The following NMB variants were observed in gnomAD, a reference collection of about 807,000 sequenced individuals.
The protein encoded by NMB is neuromedin B.
In NMB, 12 loss-of-function variants were observed where a neutral mutation model predicts 11.7. That is an observed-to-expected ratio of 1.03 (90% confidence interval 0.66 to 1.66). The LOEUF (loss-of-function observed/expected upper bound fraction) is 1.66. NMB is among the 40% of genes most tolerant of loss of function. NMB has a pLI of 0.00. For synonymous variants in NMB, 76 were observed against 72.6 expected (o/e 1.05, Z -0.24); for missense variants, 174 against 157.9 (o/e 1.10, Z -0.55).
At position 84,657,983 on chromosome 15, in the gene NMB, C is replaced by T. The variant is rs1213336775; in HGVS notation, c.157+13G>A. The T allele has an allele frequency of 4.4e-6, 7 of 1,589,386 alleles. No individual in the cohort carries two copies. In the Admixed American group the frequency reaches 1.2e-4, roughly 28 times the overall value. On this transcript the variant is annotated intron_variant, in intron 1 of 2. Transcript: ENST00000360476. ...ATGAGGGGCGCTTGCTTGCTCCGTC[C>T]CCAAAGACTTACCGGTGGCCCAGAG... is the stretch of plus-strand genomic sequence containing the variant.
At chr15:84,655,554 T>TGGG in intron 2 of NMB, 145 bp from the exon 3 acceptor site, 12 of 1,025,236 alleles carry the variant, frequency 1.2e-5, no homozygotes, top group Non-Finnish European at 1.8e-5. Flanking sequence ...CACCCTGAAT[T>TGGG]GCCTTGGAGG....
At position 84,658,038 on chromosome 15, in the gene NMB, T is replaced by C. The variant is rs766091051; in HGVS notation, c.115A>G (p.Ser39Gly). The C allele has an allele frequency of 4.4e-6, 7 of 1,596,560 alleles. No homozygotes were observed. Among genetic ancestry groups the C allele is most frequent in the Non-Finnish European group, 5.1e-6 (6 of 1,172,948 alleles). The change falls in exon 1 of 3, where the codon AGC becomes GGC. Residue 39 changes from serine (S) to glycine (G), a missense_variant. Physicochemically the swap from Ser to Gly is moderately conservative, Grantham distance 56. This residue lies in a region of NMB where 168 missense variants were observed against 138.4 expected (regional missense o/e 1.21). Transcript: ENST00000360476. ...WDLPEPRSRA[S>G]KIRVHSRGNL... Reference sequence around the variant, plus strand: ...CCTCGCGAGTGCACTCGGATCTTGCTGGCTCGGCTGCGGGGCTCCGGGAGA... The same window carrying C: ...CCTCGCGAGTGCACTCGGATCTTGCCGGCTCGGCTGCGGGGCTCCGGGAGA...
In NMB at chr15:84,657,997, G is replaced by T. The variant is rs776979321; in HGVS notation, c.156C>A (p.Thr52=). 1 of 1,591,172 alleles carries T rather than the reference G, an allele frequency of 6.3e-7. No homozygotes were observed. Among genetic ancestry groups the T allele is most frequent in the Non-Finnish European group, 8.5e-7 (1 of 1,170,254 alleles). Reference sequence around the variant, plus strand: ...CTTGCTCCGTCCCCAAAGACTTACCGGTGGCCCAGAGGTTGCCTCGCGAGT... The same window carrying T: ...CTTGCTCCGTCCCCAAAGACTTACCTGTGGCCCAGAGGTTGCCTCGCGAGT... ...RVHSRGNLWA[T]GHFMGKKSLE... The change falls in exon 1 of 3, where the codon ACC becomes ACA. Residue 52 remains threonine, a splice_region_variant and synonymous_variant. Coordinates refer to ENST00000360476, the MANE Select transcript of NMB (RefSeq NM_021077.4).
rs771129813 is a variant in NMB at position 84,658,085 on chromosome 15, C to A, written c.68G>T (p.Gly23Val). Residue 23 changes from glycine to valine, a missense_variant, in exon 1 of 3, where the codon GGC (glycine) becomes GTC (valine). Transcript: ENST00000360476. Reference sequence around the variant, plus strand: ...GAGATCCCAGCTGAGCGGGGCGACGCCGGCAGCGAGCAGGGCGAAGAGCAG... The same window carrying A: ...GAGATCCCAGCTGAGCGGGGCGACGACGGCAGCGAGCAGGGCGAAGAGCAG... Reference protein sequence around the residue: ...SLLLFALLAAGVAPLSWDLPE... With the variant: ...SLLLFALLAAVVAPLSWDLPE... 2 of 1,580,838 alleles carry A rather than the reference C, an allele frequency of 1.3e-6. No homozygotes were observed. Among genetic ancestry groups the A allele is most frequent in the Non-Finnish European group, 1.7e-6 (2 of 1,168,496 alleles).
Position 84,658,148 on chromosome 15 carries a change from G to A in NMB, c.5C>T (p.Ala2Val). 1 of 1,483,162 alleles carries A rather than the reference G, an allele frequency of 6.7e-7. No individual in the cohort carries two copies. The highest frequency in any genetic ancestry group is 8.9e-7 in the Non-Finnish European group (1 of 1,127,834). 91.9% of individuals were successfully genotyped at this position (1,483,162 alleles called of 1,614,324 possible). A position where few individuals can be genotyped will look rare whatever the true frequency, so the allele number is the denominator to read the frequency against. Residue 2 changes from alanine (A) to valine (V), a missense_variant, in exon 1 of 3, where the codon GCC (alanine) becomes GTC (valine). Coordinates refer to ENST00000360476, the MANE Select transcript of NMB (RefSeq NM_021077.4). The stretch of plus-strand genomic sequence containing the variant: ...CATCCGAGCGCCCCCCGCCCGCCGG[G>A]CCATGGCTGTGCCCGGGCCGCGGCT... M[A>V]RRAGGARMFG...
At position 84,657,358 on chromosome 15, in the gene NMB, A is replaced by G. The variant is rs1486157842; in HGVS notation, c.158-10T>C. Reference sequence around the variant, plus strand: ...TTGCCCATGAAGTGACCTGGAAAGGAGGTGTCCAGGCACAAGGAAGTCAAG... The same window carrying G: ...TTGCCCATGAAGTGACCTGGAAAGGGGGTGTCCAGGCACAAGGAAGTCAAG... On this transcript the variant is annotated splice_polypyrimidine_tract_variant and intron_variant, in intron 1 of 2. Coordinates refer to ENST00000360476, the MANE Select transcript of NMB (RefSeq NM_021077.4). 3.4e-6 allele frequency: 5 copies of G among 1,484,708 alleles called. No individual in the cohort carries two copies. The allele number at this position is 1,484,708 out of a possible 1,614,324, so 92.0% of individuals were successfully genotyped here. A position where few individuals can be genotyped will look rare whatever the true frequency, so the allele number is the denominator to read the frequency against.
rs777950986 is a variant in NMB, at chr15:84,655,221, C to T, written c.*153G>A. The T allele has an allele frequency of 6.5e-7, 1 of 1,540,342 alleles. No homozygotes were observed. Among genetic ancestry groups the T allele is most frequent in the Non-Finnish European group, 8.8e-7 (1 of 1,142,358 alleles). ...ATCTGTGTCTGCATCAGCGATATTT[C>T]TGGTGACCCAGCCAGAAATCACAGT... On this transcript the variant is annotated 3_prime_UTR_variant, in exon 3 of 3. Coordinates refer to ENST00000360476, the MANE Select transcript of NMB (RefSeq NM_021077.4).
Position 84,655,356 on chromosome 15 carries a change from T to C in NMB, c.*18A>G, listed in dbSNP as rs1163322091. 6.2e-7 allele frequency: 1 copy of C among 1,614,240 alleles called. No individual in the cohort carries two copies. The highest frequency in any genetic ancestry group is 8.5e-7 in the Non-Finnish European group (1 of 1,180,040). ...GCACAATCTAAGCCACGCTGTTGTG[T>C]CTGCCCCATTATTGGTGTCATTTCT... On this transcript the variant is annotated 3_prime_UTR_variant, in exon 3 of 3. Transcript: ENST00000360476.
intron 2 of NMB, among the ~76,000 whole-genome samples, chr15:84,655,736 G>A (rs903446079): frequency 5.3e-5 from 8 of 152,174 alleles, no homozygotes; most frequent in South Asian, 2.1e-4. Flanking sequence ...AGCCCCAGAC[G>A]TAGGCACTGC....
chr15:84,657,402 A>C, intron 1 of NMB, 54 bp from the exon 2 acceptor site: 1 of 1,402,444 alleles, frequency 7.1e-7, no homozygotes, highest in Non-Finnish European at 9.3e-7. Flanking sequence ...ATCCTACCTC[A>C]GAGGAAAAGT....
intron 1 of NMB, 30 bp from the exon 2 acceptor site, chr15:84,657,378 G>A (rs1460288012): frequency 5.5e-6 from 8 of 1,452,774 alleles, no homozygotes. Flanking sequence ...GCACAAGGAA[G>A]TCAAGCAGCC....
intron 1 of NMB, among the ~76,000 whole-genome samples, chr15:84,657,766 G>A (rs1896803681): frequency 6.6e-6 from 1 of 152,242 alleles, no homozygotes; most frequent in Admixed American, 6.5e-5. Flanking sequence ...CCGGCTGGCA[G>A]TGGGATTTAG....
chr15:84,657,269 G>A lies in NMB; in HGVS notation c.237C>T (p.Asp79=), dbSNP rs770205299. The change falls in exon 2 of 3, where the codon GAC becomes GAT. Residue 79 remains aspartate, a synonymous_variant. Transcript: ENST00000360476. ...LGTAPHTSLR[D]QRLQLSHDLL... is the part of the protein sequence containing the mutation. The stretch of plus-strand genomic sequence containing the variant: ...GATCATGACTCAGCTGCAGTCGCTG[G>A]TCCCTCAGGGAGGTGTGGGGAGCTG... The A allele has an allele frequency of 6.2e-7, 1 of 1,607,532 alleles. No homozygotes were observed. Among genetic ancestry groups the A allele is most frequent in the South Asian group, 1.1e-5 (1 of 89,632 alleles).
Position 84,658,119 on chromosome 15 carries a change from C to G in NMB, c.34G>C (p.Gly12Arg). Residue 12 changes from glycine to arginine, a missense_variant, in exon 1 of 3, where the codon GGC (glycine) becomes CGC (arginine). Physicochemically the swap from Gly to Arg is moderately radical, Grantham distance 125. Transcript: ENST00000360476. ...AGCAGGGCGAAGAGCAGGAGGCTGC[C>G]GAACATCCGAGCGCCCCCCGCCCGC... ...ARRAGGARMFGSLLLFALLAA... is the reference protein window; with the variant it reads ...ARRAGGARMFRSLLLFALLAA... 7.8e-6 allele frequency: 12 copies of G among 1,539,728 alleles called. No individual in the cohort carries two copies. The highest frequency in any genetic ancestry group is 2.6e-5 in the East Asian group (1 of 38,160).
chr15:84,656,072 G>A (rs998912769), intron 2 of NMB, among the ~76,000 whole-genome samples: 6 of 152,204 alleles, frequency 3.9e-5, no homozygotes, highest in African/African-American at 1.4e-4. Context: ...GGCTGTCTAT[G>A]AGCCAGGCAC....
chr15:84,658,116 T>C lies in NMB; in HGVS notation c.37A>G (p.Ser13Gly), dbSNP rs1896810538. The change falls in exon 1 of 3, where the codon AGC (serine) becomes GGC (glycine). Residue 13 changes from serine to glycine, a missense_variant. Transcript: ENST00000360476. Reference protein sequence around the residue: ...RRAGGARMFGSLLLFALLAAG... With the variant: ...RRAGGARMFGGLLLFALLAAG... ...GCGAGCAGGGCGAAGAGCAGGAGGCTGCCGAACATCCGAGCGCCCCCCGCC... is the reference window on the plus strand; with the variant it reads ...GCGAGCAGGGCGAAGAGCAGGAGGCCGCCGAACATCCGAGCGCCCCCCGCC... The C allele has an allele frequency of 6.5e-7, 1 of 1,548,570 alleles. No individual in the cohort carries two copies. The highest frequency in any genetic ancestry group is 1.4e-5 in the African/African-American group (1 of 70,814).
chr15:84,657,130 G>A, intron 2 of NMB, 46 bp downstream of exon 2: 1 of 1,567,790 alleles, frequency 6.4e-7, no homozygotes, highest in Non-Finnish European at 8.6e-7. Flanking sequence ...ATCCGGGGAT[G>A]GCCCCAGCTG....
chr15:84,658,176 G>A lies in NMB; in HGVS notation c.-24C>T. 2.8e-6 allele frequency: 4 copies of A among 1,431,762 alleles called. No individual in the cohort carries two copies. The highest frequency in any genetic ancestry group is 3.0e-5 in the African/African-American group (2 of 65,982). 88.7% of individuals were successfully genotyped at this position (1,431,762 alleles called of 1,614,324 possible). On this transcript the variant is annotated 5_prime_UTR_variant, in exon 1 of 3. In the 5' UTR this introduces an upstream ATG that the reference lacks. Transcript: ENST00000360476. ...ATGGCTGTGCCCGGGCCGCGGCTTC[G>A]TTCGGGCGCGCTTCCCGGCCGCTGG...
Position 84,655,256 on chromosome 15 carries a change from A to G in NMB, c.*118T>C, listed in dbSNP as rs768060430. ...AGCCAGAAATCACAGTAATGGAGTA[A>G]CAGAGATTTGAGCTCAGGATTTACA... On this transcript the variant is annotated 3_prime_UTR_variant, in exon 3 of 3. Transcript: ENST00000360476. The G allele has an allele frequency of 6.3e-7, 1 of 1,590,096 alleles. No individual in the cohort carries two copies. The highest frequency in any genetic ancestry group is 2.2e-5 in the East Asian group (1 of 44,588).
Sources: allele counts gnomAD v4.1 joint callset (sites outside exome capture counted in the v4.1 genomes callset), GRCh38; gene constraint gnomAD v4.1.1; regional missense constraint gnomAD v4.1.1; transcripts MANE v1.5; gene names NCBI Gene and HGNC (gene_info 2026-07-23, HGNC 2026-07-21).